Variants in AFG2A observed in about 807,000 individuals in gnomAD.
The protein encoded by AFG2A is ATPase family gene 2 protein homolog A.
At chr4:123,247,502 C>G in the AFG2A span, among the ~76,000 whole-genome samples, 84,925 of 151,910 alleles carry the variant, frequency 0.56, 26,241 homozygotes, top group Non-Finnish European at 0.67. Context: ...CTCCCTAGGC[C>G]TCAACCTCCT....
At chr4:123,115,819 G>A in the AFG2A span, among the ~76,000 whole-genome samples, 7 of 152,286 alleles carry the variant, frequency 4.6e-5, no homozygotes, top group African/African-American at 1.4e-4. Context: ...ATATTTTGCC[G>A]TCCTTGTTGA....
the AFG2A span, among the ~76,000 whole-genome samples, chr4:122,988,873 T>TG: frequency 1.3e-5 from 2 of 152,224 alleles, no homozygotes; most frequent in Non-Finnish European, 2.9e-5. Context: ...TGTTTGAGTT[T>TG]GCTGATTCTT....
chr4:123,115,692 C>T, the AFG2A span, among the ~76,000 whole-genome samples: 635 of 152,210 alleles, frequency 4.2e-3, 3 homozygotes, highest in Non-Finnish European at 6.0e-3. Flanking sequence ...ACCTGAGGAT[C>T]CACAGCCTGC....
chr4:123,306,411 G>GTCTT, the AFG2A span, among the ~76,000 whole-genome samples: 1 of 152,256 alleles, frequency 6.6e-6, no homozygotes, highest in South Asian at 2.1e-4. Flanking sequence ...ACAAAGGCAT[G>GTCTT]TCTTCGTCTA....
the AFG2A span, chr4:123,318,756 C>A: frequency 1.5e-5 from 1 of 67,538 alleles, no homozygotes; most frequent in Non-Finnish European, 4.3e-5. Flanking sequence ...GAGATCCTAT[C>A]TCTTAAAAAA....
the AFG2A span, among the ~76,000 whole-genome samples, chr4:123,105,312 G>A: frequency 6.6e-6 from 1 of 151,788 alleles, no homozygotes; most frequent in Non-Finnish European, 1.5e-5. Context: ...ACCTATTGCT[G>A]AGGAAAAAAA....
At chr4:123,275,572 A>T in the AFG2A span, among the ~76,000 whole-genome samples, 6 of 152,002 alleles carry the variant, frequency 3.9e-5, no homozygotes, top group African/African-American at 1.4e-4. Context: ...TGGGGGTTTC[A>T]TGTACAGATC....
chr4:123,129,453 C>A, the AFG2A span, among the ~76,000 whole-genome samples: 1 of 152,052 alleles, frequency 6.6e-6, no homozygotes, highest in East Asian at 1.9e-4. Flanking sequence ...TAAATATATT[C>A]TCTATTTTGA....
At chr4:122,947,260 C>G in the AFG2A span, 15 of 1,602,898 alleles carry the variant, frequency 9.4e-6, no homozygotes, top group Non-Finnish European at 1.3e-5. Flanking sequence ...AGTGTTGGTT[C>G]TTGGGGCCAC....
chr4:123,175,496 T>C, the AFG2A span, among the ~76,000 whole-genome samples: 1 of 152,156 alleles, frequency 6.6e-6, no homozygotes, highest in Non-Finnish European at 1.5e-5. Flanking sequence ...TAAATCAAAA[T>C]ATAGGTGAGG....
At chr4:123,035,619 CA>C in the AFG2A span, among the ~76,000 whole-genome samples, 2 of 151,900 alleles carry the variant, frequency 1.3e-5, no homozygotes, top group African/African-American at 4.8e-5. Context: ...TTACATTTGT[CA>C]TTATTTGTAC....
chr4:123,187,491 TA>T, the AFG2A span, among the ~76,000 whole-genome samples: 2 of 152,326 alleles, frequency 1.3e-5, no homozygotes, highest in South Asian at 2.1e-4. Context: ...TTTTTGTAAT[TA>T]AAATATATAT....
At chr4:123,270,772 G>A in the AFG2A span, among the ~76,000 whole-genome samples, 2 of 152,118 alleles carry the variant, frequency 1.3e-5, no homozygotes, top group African/African-American at 4.8e-5. Flanking sequence ...TTGACATAAA[G>A]TTTGATCAAA....
chr4:123,255,715 C>CTTTTTTTTTTTTTT, the AFG2A span, among the ~76,000 whole-genome samples: 7 of 103,910 alleles, frequency 6.7e-5, 3 homozygotes, highest in Non-Finnish European at 9.5e-5. Flanking sequence ...TACTGCTTTT[C>CTTTTTTTTTTTTTT]TATTTTTTTT....
the AFG2A span, among the ~76,000 whole-genome samples, chr4:123,173,668 A>G: frequency 2.0e-5 from 3 of 152,066 alleles, no homozygotes; most frequent in African/African-American, 7.2e-5. Context: ...ATTTTTTAAT[A>G]TAGTATTTTA....
At chr4:123,047,627 T>C in the AFG2A span, among the ~76,000 whole-genome samples, 1 of 152,110 alleles carries the variant, frequency 6.6e-6, no homozygotes, top group African/African-American at 2.4e-5. Context: ...AGACCACTGT[T>C]GTATAGCATT....
chr4:123,163,590 A>G, the AFG2A span, among the ~76,000 whole-genome samples: 2 of 152,328 alleles, frequency 1.3e-5, no homozygotes, highest in South Asian at 4.1e-4. Context: ...CCCCAAATAT[A>G]TGAACAGGCT....
the AFG2A span, among the ~76,000 whole-genome samples, chr4:123,110,603 A>G: frequency 6.6e-6 from 1 of 152,240 alleles, no homozygotes; most frequent in Non-Finnish European, 1.5e-5. Flanking sequence ...AAAATTGAAT[A>G]CATAAAGGGA....
the AFG2A span, among the ~76,000 whole-genome samples, chr4:123,108,335 G>A: frequency 1.3e-5 from 2 of 151,998 alleles, no homozygotes; most frequent in East Asian, 3.9e-4. Flanking sequence ...TGTATTGACA[G>A]TTTCTAATCT....
Sources: allele counts gnomAD v4.1 joint callset (sites outside exome capture counted in the v4.1 genomes callset), GRCh38; gene constraint gnomAD v4.1.1; transcripts MANE v1.5; gene names NCBI Gene and HGNC (gene_info 2026-07-23, HGNC 2026-07-21).